The following CAMK1D variants were observed in gnomAD, a reference collection of about 807,000 sequenced individuals.
CAMK1D encodes the protein calcium/calmodulin-dependent protein kinase type 1D.
CAMK1D carries 9 observed loss-of-function variants against 47.7 expected under a neutral mutation model. That is an observed-to-expected ratio of 0.19 (90% CI 0.11 to 0.33). CAMK1D has a LOEUF of 0.33. CAMK1D is among the 10% of genes least tolerant of loss of function. The pLI, the probability that CAMK1D is intolerant of heterozygous loss-of-function variation, is 1.00. For missense variants in CAMK1D, 291 were observed against 488.7 expected (o/e 0.60, Z 3.81); for synonymous variants, 184 against 184.9 (o/e 0.99, Z 0.04).
Position 12,435,015 on chromosome 10 carries a change from C to A in CAMK1D, c.92+85105C>A, listed in dbSNP as rs183949548. Among the ~76,000 whole-genome samples, 8 of 152,008 alleles carry A rather than the reference C, an allele frequency of 5.3e-5. No individual in the cohort carries two copies. The East Asian group carries it at 1.5e-3, about 29-fold the overall frequency. ...GGTGGATCACCTGAGGTCAGGAGTTCGAGACCATCCTGGCCAACATGGTGA... is the reference window on the plus strand; with the variant it reads ...GGTGGATCACCTGAGGTCAGGAGTTAGAGACCATCCTGGCCAACATGGTGA... On this transcript the variant is annotated intron_variant, in intron 1 of 10. Transcript: ENST00000619168.
intron 1 of CAMK1D, among the ~76,000 whole-genome samples, chr10:12,354,841 A>AT (rs11432459): frequency 0.69 from 89,232 of 129,408 alleles, 31,874 homozygotes; most frequent in South Asian, 0.79. Flanking sequence ...TTGGAGGAAA[A>AT]TTTTTTTTTT....
chr10:12,666,877 G>A, intron 3 of CAMK1D, 67 bp downstream of exon 3: 3 of 1,320,548 alleles, frequency 2.3e-6, no homozygotes, highest in South Asian at 2.4e-5. Flanking sequence ...AAGGGATCAG[G>A]TGGGAAAAGA....
At chr10:12,376,671 T>C (rs12415153) in intron 1 of CAMK1D, among the ~76,000 whole-genome samples, 55,238 of 151,956 alleles carry the variant, frequency 0.36, 11,300 homozygotes, top group Non-Finnish European at 0.47. Context: ...GAATGCAGGG[T>C]CTGGATTCCC....
At chr10:12,575,749 G>A (rs12262742) in intron 2 of CAMK1D, among the ~76,000 whole-genome samples, 11,298 of 152,206 alleles carry the variant, frequency 0.074, 1,257 homozygotes, top group African/African-American at 0.25. Flanking sequence ...CCAAGAATTC[G>A]CGCTCCTCTG....
chr10:12,478,681 A>G (rs1564363608), intron 1 of CAMK1D, among the ~76,000 whole-genome samples: 1 of 151,664 alleles, frequency 6.6e-6, no homozygotes, highest in African/African-American at 2.4e-5. Context: ...ATCTCTGTGG[A>G]TCTTGAAACT....
intron 1 of CAMK1D, among the ~76,000 whole-genome samples, chr10:12,353,190 GA>G (rs1837402545): frequency 6.6e-6 from 1 of 152,112 alleles, no homozygotes; most frequent in African/African-American, 2.4e-5. Context: ...TGTTTTGAAT[GA>G]AATCTAACAC....
intron 5 of CAMK1D, among the ~76,000 whole-genome samples, chr10:12,776,760 C>G (rs1837265401): frequency 6.6e-6 from 1 of 152,170 alleles, no homozygotes; most frequent in African/African-American, 2.4e-5. Flanking sequence ...GAAAGCTAGA[C>G]AGACTTCAGC....
intron 2 of CAMK1D, among the ~76,000 whole-genome samples, chr10:12,636,731 T>C (rs1160764773): frequency 6.6e-6 from 1 of 152,226 alleles, no homozygotes; most frequent in African/African-American, 2.4e-5. Context: ...TGGACCCAGC[T>C]TCCTCCAAAG....
chr10:12,713,963 C>T (rs376106438), intron 3 of CAMK1D, among the ~76,000 whole-genome samples: 4 of 152,176 alleles, frequency 2.6e-5, no homozygotes, highest in South Asian at 4.1e-4. Flanking sequence ...ATCAGAAGAT[C>T]GCTTGGATGG....
intron 1 of CAMK1D, among the ~76,000 whole-genome samples, chr10:12,549,343 T>C (rs1836504975): frequency 6.6e-6 from 1 of 152,238 alleles, no homozygotes; most frequent in Non-Finnish European, 1.5e-5. Context: ...TTATTTCCTT[T>C]AGCATAATGT....
At chr10:12,579,535 G>T (rs1355259596) in intron 2 of CAMK1D, among the ~76,000 whole-genome samples, 1 of 152,220 alleles carries the variant, frequency 6.6e-6, no homozygotes, top group Non-Finnish European at 1.5e-5. Context: ...TTGGGGGTCA[G>T]TCTGTGTTTC....
chr10:12,429,127 C>T (rs867459984), intron 1 of CAMK1D, among the ~76,000 whole-genome samples: 71 of 152,298 alleles, frequency 4.7e-4, no homozygotes, highest in South Asian at 1.2e-3. Context: ...CCTCCCTCAT[C>T]GCCCACCCCT....
intron 1 of CAMK1D, among the ~76,000 whole-genome samples, chr10:12,505,189 C>T (rs751381673): frequency 3.3e-5 from 5 of 152,108 alleles, no homozygotes; most frequent in African/African-American, 4.8e-5. Flanking sequence ...AGAAAAGAGG[C>T]GTGCGGTTGT....
rs61193558 is a variant in CAMK1D at position 12,787,132 on chromosome 10, AAAGAAGAAGAAG to A, written c.566-4008_566-3997del. On this transcript the variant is annotated intron_variant, in intron 5 of 10. Transcript: ENST00000619168. ...AATGAGATTCCTTCTCAAAGAAAAA[AAAGAAGAAGAAG>A]AAGAAGAAGAAGAAGAATCTAAACA... Among the ~76,000 whole-genome samples the A allele has an allele frequency of 8.6e-3, 1,293 of 151,004 alleles. 25 individuals are homozygous for A. Among genetic ancestry groups the A allele is most frequent in the African/African-American group, 0.029 (1,191 of 41,034 alleles).
At chr10:12,649,056 C>G (rs7921813) in intron 2 of CAMK1D, among the ~76,000 whole-genome samples, 20,747 of 151,718 alleles carry the variant, frequency 0.14, 1,849 homozygotes, top group African/African-American at 0.25. Flanking sequence ...TTTTTACAGA[C>G]CGGGTTTTAC....
intron 5 of CAMK1D, among the ~76,000 whole-genome samples, chr10:12,780,868 GC>G (rs1837461312): frequency 6.6e-6 from 1 of 152,222 alleles, no homozygotes; most frequent in South Asian, 2.1e-4. Context: ...CTTGGTGACA[GC>G]CCACAGCGAA....
chr10:12,407,603 C>T (rs2131933638), intron 1 of CAMK1D, among the ~76,000 whole-genome samples: 1 of 152,294 alleles, frequency 6.6e-6, no homozygotes, highest in East Asian at 1.9e-4. Context: ...GTAACCAGCT[C>T]CTGCAATACA....
intron 1 of CAMK1D, among the ~76,000 whole-genome samples, chr10:12,396,306 C>T (rs1043553231): frequency 1.4e-4 from 21 of 152,134 alleles, no homozygotes; most frequent in African/African-American, 3.9e-4. Flanking sequence ...CTATTGTGTC[C>T]GCATCATTGT....
Position 12,389,836 on chromosome 10 carries a change from A to ATT in CAMK1D, c.92+39937_92+39938dup, listed in dbSNP as rs112707574. ...ATCTGTGGCTTTGGATTGTCATTTG[A>ATT]TTTTTTTTTTTTGATGCCTTCTGTC... On this transcript the variant is annotated intron_variant, in intron 1 of 10. Coordinates refer to ENST00000619168, the MANE Select transcript of CAMK1D (RefSeq NM_153498.4). Among the ~76,000 whole-genome samples the ATT allele has an allele frequency of 4.6e-3, 677 of 147,456 alleles. 3 individuals carry two copies. Among genetic ancestry groups the ATT allele is most frequent in the Middle Eastern group, 0.01 (3 of 286 alleles).
Sources: gnomAD v4.1 joint callset for allele counts (sites outside exome capture counted in the v4.1 genomes callset) on GRCh38, gnomAD v4.1.1 for gene constraint, MANE v1.5 for transcripts, NCBI Gene and HGNC (gene_info 2026-07-23, HGNC 2026-07-21) for gene names.